The following ZNF148 variants were observed in gnomAD, a reference collection of about 807,000 sequenced individuals.
ZNF148 encodes Beta-Enolase Repressor Factor-1.
Under a neutral mutation model 67.7 loss-of-function variants are expected in ZNF148, and 7 were observed. That is an observed-to-expected ratio of 0.10 (90% confidence interval 0.06 to 0.19). The LOEUF is 0.19. ZNF148 is among the 10% of genes least tolerant of loss of function. ZNF148 has a pLI of 1.00. For synonymous variants in ZNF148, 333 were observed against 330.7 expected (o/e 1.01, Z -0.08); for missense variants, 583 against 947.1 (o/e 0.62, Z 5.05).
intron 7 of ZNF148, among the ~76,000 whole-genome samples, chr3:125,274,186 A>G (rs554645654): frequency 6.6e-6 from 1 of 152,352 alleles, no homozygotes; most frequent in South Asian, 2.1e-4. Flanking sequence ...AATGATGATA[A>G]ATGTTTAACC....
Position 125,308,624 on chromosome 3 carries a change from C to A in ZNF148, c.333+4684G>T, listed in dbSNP as rs375632517. On this transcript the variant is annotated intron_variant, in intron 4 of 8. Transcript: ENST00000360647. ...TCACTACAGTATTACAAAAGAACAA[C>A]AAAATTGGAGGACATACACAATTTG... 7.4e-5 allele frequency among the ~76,000 whole-genome samples: 11 copies of A among 148,738 alleles called. 1 individual carries two copies. The South Asian group carries it at 1.3e-3, about 17-fold the overall frequency.
chr3:125,232,639 T>C lies in ZNF148; in HGVS notation c.2087A>G (p.His696Arg), dbSNP rs1935904944. ...SFPFSGDETN[H>R]ASATSTQDFL... ...GTCCTGTGTTGATGTGGCAGAAGCA[T>C]GGTTTGTCTCATCACCTGAAAAGGG... The change falls in exon 9 of 9, where the codon CAT becomes CGT. Residue 696 changes from histidine to arginine, a missense_variant. Transcript: ENST00000360647. The surrounding 1 kb of genome is among the most constrained non-coding windows in gnomAD (Gnocchi z 4.2). 2 of 1,613,832 alleles carry C rather than the reference T, an allele frequency of 1.2e-6. No homozygotes were observed. Among genetic ancestry groups the C allele is most frequent in the Non-Finnish European group, 1.7e-6 (2 of 1,179,788 alleles).
At position 125,232,861 on chromosome 3, in the gene ZNF148, T is replaced by A. The variant is rs1292443653; in HGVS notation, c.1865A>T (p.Tyr622Phe). The stretch of plus-strand genomic sequence containing the variant: ...AAAGTTAAGGCTCGGGCTATTCAAA[T>A]AGGCATCATTTTGGCTAGTTCTGTC... ...ALDRTSQNDA[Y>F]LNSPSLNFVT... Residue 622 changes from tyrosine (Y) to phenylalanine (F), a missense_variant, in exon 9 of 9, where the codon TAT becomes TTT. Tyr to Phe is a conservative substitution (Grantham distance 22). Transcript: ENST00000360647. This position sits in a 1 kb window ranked among gnomAD's most constrained non-coding sequence, Gnocchi z 4.2. 6.2e-7 allele frequency: 1 copy of A among 1,613,744 alleles called. No individual in the cohort carries two copies. The highest frequency in any genetic ancestry group is 1.3e-5 in the African/African-American group (1 of 74,888).
At position 125,288,145 on chromosome 3, in the gene ZNF148, G is replaced by C. The variant is rs766063058; in HGVS notation, c.417C>G (p.Asp139Glu). 11 of 1,613,732 alleles carry C rather than the reference G, an allele frequency of 6.8e-6. No individual in the cohort carries two copies. Among genetic ancestry groups the C allele is most frequent in the Non-Finnish European group, 2.5e-6 (3 of 1,179,882 alleles). ...GTTTCCGCTTCTTCTTTTTCTGTAA[G>C]TCTACTGGCTCTCTGATTTGTTTTT... ...RDKKQIREPV[D>E]LQKKKKRKQR... Residue 139 changes from aspartate to glutamate, a missense_variant, in exon 5 of 9, where the codon GAC becomes GAG. Physicochemically the swap from Asp to Glu is conservative, Grantham distance 45 (BLOSUM62 2). Around this residue, in one of 5 missense-constraint regions of ZNF148, gnomAD observed 150 missense variants for 202.5 expected, o/e 0.74. Transcript: ENST00000360647.
intron 7 of ZNF148, among the ~76,000 whole-genome samples, chr3:125,259,863 G>A (rs952445534): frequency 1.8e-4 from 28 of 152,236 alleles, no homozygotes; most frequent in Middle Eastern, 3.4e-3. Flanking sequence ...GGCTTTCAAC[G>A]TATCTTCCTC....
At chr3:125,273,281 T>C (rs1047064230) in intron 7 of ZNF148, among the ~76,000 whole-genome samples, 3 of 152,066 alleles carry the variant, frequency 2.0e-5, no homozygotes, top group East Asian at 3.8e-4. Context: ...ATAAAAGTCA[T>C]AGTAAAGAGA....
chr3:125,318,739 C>G (rs1041881888), intron 3 of ZNF148, among the ~76,000 whole-genome samples: 1 of 152,124 alleles, frequency 6.6e-6, no homozygotes, highest in Admixed American at 6.6e-5. Flanking sequence ...GGCAATCCTT[C>G]CTCTGCACTG....
Position 125,324,662 on chromosome 3 carries a change from T to C in ZNF148, c.-152-1218A>G, listed in dbSNP as rs563025373. Among the ~76,000 whole-genome samples the C allele has an allele frequency of 8.5e-5, 13 of 152,350 alleles. No homozygotes were observed. The South Asian group carries it at 2.5e-3, about 29-fold the overall frequency. On this transcript the variant is annotated intron_variant, in intron 2 of 8. Transcript: ENST00000360647. ...CACAAGAAGTGTGGAGACCAGATGA[T>C]ACATGAAAGATCCTATGATTTTACA... is the stretch of plus-strand genomic sequence containing the variant.
Position 125,239,402 on chromosome 3 carries a change from G to A in ZNF148, c.668-5073C>T, listed in dbSNP as rs561576415. On this transcript the variant is annotated intron_variant, in intron 7 of 8. Transcript: ENST00000360647. ...ATTTCTCCAAAGAAGATATACAAAT[G>A]ACCAATCAGCACATGAAAAGATGCT... 7.2e-5 allele frequency among the ~76,000 whole-genome samples: 11 copies of A among 152,232 alleles called. No homozygotes were observed. The South Asian group carries it at 2.1e-3, about 29-fold the overall frequency.
At chr3:125,249,594 T>C (rs900177648) in intron 7 of ZNF148, among the ~76,000 whole-genome samples, 3 of 152,082 alleles carry the variant, frequency 2.0e-5, no homozygotes, top group Non-Finnish European at 2.9e-5. Context: ...AGAGCCATTA[T>C]GGAAAACAGT....
chr3:125,236,827 A>G (rs749436844), intron 7 of ZNF148, among the ~76,000 whole-genome samples: 1 of 152,182 alleles, frequency 6.6e-6, no homozygotes, highest in African/African-American at 2.4e-5. Flanking sequence ...CTTGTATACA[A>G]TGGGGCTCCA....
At chr3:125,335,700 T>C (rs776833155) in intron 1 of ZNF148, among the ~76,000 whole-genome samples, 1 of 152,224 alleles carries the variant, frequency 6.6e-6, no homozygotes, top group Admixed American at 6.5e-5. Context: ...TGCATGCATG[T>C]TGCAACAGAT....
intron 1 of ZNF148, among the ~76,000 whole-genome samples, chr3:125,374,744 C>T (rs1943007271): frequency 6.6e-6 from 1 of 152,032 alleles, no homozygotes; most frequent in African/African-American, 2.4e-5. Flanking sequence ...CCTGGTGTCT[C>T]CCTAGCCTTT....
At chr3:125,291,380 T>C (rs1166098807) in intron 4 of ZNF148, among the ~76,000 whole-genome samples, 2 of 152,160 alleles carry the variant, frequency 1.3e-5, no homozygotes, top group Non-Finnish European at 2.9e-5. Flanking sequence ...AAATTCTATA[T>C]GATCCACTTT....
chr3:125,259,414 G>A (rs1937235826), intron 7 of ZNF148, among the ~76,000 whole-genome samples: 1 of 152,180 alleles, frequency 6.6e-6, no homozygotes, highest in Admixed American at 6.5e-5. Context: ...ATGTAAAATG[G>A]TATAGTTGCT....
At position 125,308,288 on chromosome 3, in the gene ZNF148, C is replaced by A. The variant is rs62270345; in HGVS notation, c.333+5020G>T. Among the ~76,000 whole-genome samples the A allele has an allele frequency of 6.3e-3, 962 of 152,158 alleles. 7 individuals are homozygous for A. Among genetic ancestry groups the A allele is most frequent in the Middle Eastern group, 0.014 (4 of 294 alleles). ...TTAGAATTTGACATTTTAAAACATA[C>A]CATTTATGATAGCATCCAACCAAAA... is the stretch of plus-strand genomic sequence containing the variant. On this transcript the variant is annotated intron_variant, in intron 4 of 8. Transcript: ENST00000360647.
rs1001563501 is a variant in ZNF148 at position 125,230,346 on chromosome 3, GCACAA to G, written c.*1990_*1994del. 3 of 152,482 alleles carry G rather than the reference GCACAA, an allele frequency of 2.0e-5. No individual in the cohort carries two copies. The highest frequency in any genetic ancestry group is 4.4e-5 in the Non-Finnish European group (3 of 68,000). The allele number at this position is 152,482 out of a possible 1,614,324, so 9.4% of individuals were successfully genotyped here. ...TGAAGCCTTTTTGTAATTATGTAAT[GCACAA>G]CACAACACACACAATCTTAAGAGTC... is the stretch of plus-strand genomic sequence containing the variant. On this transcript the variant is annotated 3_prime_UTR_variant, in exon 9 of 9. Transcript: ENST00000360647.
At chr3:125,256,688 CA>C (rs1349771822) in intron 7 of ZNF148, among the ~76,000 whole-genome samples, 2 of 151,900 alleles carry the variant, frequency 1.3e-5, no homozygotes, top group East Asian at 3.9e-4. Context: ...AAAAACAAAA[CA>C]AAACAAAACA....
intron 3 of ZNF148, among the ~76,000 whole-genome samples, chr3:125,316,426 T>C (rs1301590071): frequency 6.6e-6 from 1 of 152,232 alleles, no homozygotes; most frequent in South Asian, 2.1e-4. Flanking sequence ...CACCAAACTT[T>C]TCTCCACAGT....
Sources: allele counts gnomAD v4.1 joint callset (sites outside exome capture counted in the v4.1 genomes callset), GRCh38; gene constraint gnomAD v4.1.1; regional missense constraint gnomAD v4.1.1; non-coding constraint Gnocchi (gnomAD v3.1); transcripts MANE v1.5; gene names NCBI Gene and HGNC (gene_info 2026-07-23, HGNC 2026-07-21).